The following LRMDA variants were observed in gnomAD, a reference collection of about 807,000 sequenced individuals.
The protein encoded by LRMDA is leucine rich melanocyte differentiation associated.
A neutral mutation model predicts 29.8 loss-of-function variants in LRMDA; 18 were observed. That is an observed-to-expected ratio of 0.60 (90% CI 0.42 to 0.90). LRMDA has a LOEUF of 0.90. LRMDA is among the 40% of genes least tolerant of loss of function. The pLI is 0.00. For missense variants in LRMDA, 273 were observed against 273.9 expected (o/e 1.00, Z 0.02); for synonymous variants, 125 against 109.4 (o/e 1.14, Z -0.89).
intron 5 of LRMDA, among the ~76,000 whole-genome samples, chr10:76,086,991 G>T (rs532201919): frequency 2.3e-4 from 35 of 152,290 alleles, no homozygotes; most frequent in African/African-American, 8.4e-4. Context: ...GACGTTCTTT[G>T]GCTTGTCCGA....
chr10:76,093,729 G>A (rs1849270030), intron 5 of LRMDA, among the ~76,000 whole-genome samples: 1 of 152,152 alleles, frequency 6.6e-6, no homozygotes, highest in African/African-American at 2.4e-5. Flanking sequence ...CCTCACCAGG[G>A]TCACTGACAA....
intron 5 of LRMDA, among the ~76,000 whole-genome samples, chr10:76,195,085 G>C (rs796412679): frequency 3.3e-5 from 5 of 152,250 alleles, no homozygotes; most frequent in African/African-American, 1.2e-4. Context: ...TTCATCAAAA[G>C]TTGTGCCTAC....
At chr10:76,206,666 T>C (rs567779909) in intron 5 of LRMDA, among the ~76,000 whole-genome samples, 13 of 152,192 alleles carry the variant, frequency 8.5e-5, no homozygotes, top group South Asian at 4.1e-4. Flanking sequence ...TAATCATAAA[T>C]TTCTGGATCC....
At chr10:75,563,360 A>G (rs892875651) in intron 2 of LRMDA, among the ~76,000 whole-genome samples, 3 of 151,838 alleles carry the variant, frequency 2.0e-5, no homozygotes, top group Admixed American at 6.6e-5. Flanking sequence ...GTAGTTCTCA[A>G]TCCTTGGCTT....
intron 2 of LRMDA, among the ~76,000 whole-genome samples, chr10:76,032,476 A>G (rs978552483): frequency 4.6e-5 from 7 of 152,218 alleles, no homozygotes; most frequent in Admixed American, 1.3e-4. Context: ...TGGAAACTTA[A>G]AAGTTCTCTC....
intron 5 of LRMDA, among the ~76,000 whole-genome samples, chr10:76,072,491 A>C (rs1848891271): frequency 6.6e-6 from 1 of 152,218 alleles, no homozygotes; most frequent in Non-Finnish European, 1.5e-5. Flanking sequence ...TTAAAAAAAA[A>C]AGTATTTTAG....
intron 6 of LRMDA, among the ~76,000 whole-genome samples, chr10:76,450,538 T>A (rs1007956663): frequency 6.6e-6 from 1 of 152,144 alleles, no homozygotes; most frequent in African/African-American, 2.4e-5. Flanking sequence ...TTAATTCTTT[T>A]GTGATAAATT....
intron 2 of LRMDA, among the ~76,000 whole-genome samples, chr10:75,983,441 C>T (rs988607012): frequency 2.6e-5 from 4 of 152,084 alleles, no homozygotes; most frequent in African/African-American, 7.2e-5. Context: ...GTGATTCTGA[C>T]GATGATGATG....
intron 2 of LRMDA, among the ~76,000 whole-genome samples, chr10:75,553,231 C>T (rs1840173923): frequency 6.6e-6 from 1 of 152,178 alleles, no homozygotes; most frequent in South Asian, 2.1e-4. Context: ...GTAGTTGAGT[C>T]AATGCAGTCA....
intron 6 of LRMDA, among the ~76,000 whole-genome samples, chr10:76,473,856 A>G (rs963678285): frequency 3.3e-5 from 5 of 151,698 alleles, no homozygotes; most frequent in Non-Finnish European, 7.4e-5. Flanking sequence ...TAACCTAAAT[A>G]AATAGAAATA....
chr10:76,279,405 T>C lies in LRMDA; in HGVS notation c.517-44996T>C, dbSNP rs943176073. Among the ~76,000 whole-genome samples, 3 of 152,286 alleles carry C rather than the reference T, an allele frequency of 2.0e-5. No individual in the cohort carries two copies. In the South Asian group the frequency reaches 6.2e-4, roughly 32 times the overall value. On this transcript the variant is annotated intron_variant, in intron 5 of 6. Coordinates refer to ENST00000611255, the MANE Select transcript of LRMDA (RefSeq NM_001305581.2). ...TCATTATTCTTTTATGAATTCTTCC[T>C]TGAAGCTTCACAAGGCAAGTACAGG... is the stretch of plus-strand genomic sequence containing the variant.
intron 5 of LRMDA, among the ~76,000 whole-genome samples, chr10:76,189,277 G>T (rs1352419812): frequency 6.6e-6 from 1 of 152,072 alleles, no homozygotes; most frequent in Non-Finnish European, 1.5e-5. Context: ...GAATCGCTTT[G>T]ACGCTGGAGT....
chr10:76,213,233 G>A (rs1054632497), intron 5 of LRMDA, among the ~76,000 whole-genome samples: 3 of 152,218 alleles, frequency 2.0e-5, no homozygotes, highest in African/African-American at 7.2e-5. Context: ...GTTCGTTACT[G>A]GAGGCACATC....
chr10:76,185,132 G>A (rs1444693481), intron 5 of LRMDA, among the ~76,000 whole-genome samples: 12 of 152,126 alleles, frequency 7.9e-5, no homozygotes, highest in Non-Finnish European at 4.4e-5. Context: ...GTCTCTTTAA[G>A]CACACACAAA....
Position 75,880,628 on chromosome 10 carries a change from C to A in LRMDA, c.132-155380C>A, listed in dbSNP as rs1411219855. Among the ~76,000 whole-genome samples, 4 of 152,162 alleles carry A rather than the reference C, an allele frequency of 2.6e-5. No individual in the cohort carries two copies. In the East Asian group the frequency reaches 7.7e-4, roughly 29 times the overall value. On this transcript the variant is annotated intron_variant, in intron 2 of 6. Transcript: ENST00000611255. ...GGGATTTTGTAAGTACACACTTTCA[C>A]TGGGGATTTTCTGTTTTCTGTGTTA...
chr10:76,004,456 C>T (rs973177804), intron 2 of LRMDA, among the ~76,000 whole-genome samples: 4 of 152,258 alleles, frequency 2.6e-5, no homozygotes, highest in Non-Finnish European at 5.9e-5. Flanking sequence ...TAGAGATTGA[C>T]GCAGAGTAAA....
At chr10:75,555,146 G>C (rs1271542381) in intron 2 of LRMDA, among the ~76,000 whole-genome samples, 1 of 152,108 alleles carries the variant, frequency 6.6e-6, no homozygotes, top group Non-Finnish European at 1.5e-5. Context: ...CCCTATGAGA[G>C]AGTTCTAGAG....
At chr10:76,012,930 T>A (rs1847810230) in intron 2 of LRMDA, among the ~76,000 whole-genome samples, 1 of 151,984 alleles carries the variant, frequency 6.6e-6, no homozygotes, top group Non-Finnish European at 1.5e-5. Flanking sequence ...TCTGGCCAAG[T>A]CAGATAAAGG....
At chr10:75,678,713 A>G (rs1293705257) in intron 2 of LRMDA, among the ~76,000 whole-genome samples, 1 of 152,210 alleles carries the variant, frequency 6.6e-6, no homozygotes, top group African/African-American at 2.4e-5. Context: ...CATTCATAAC[A>G]TGACAGATAT....
Sources: allele counts gnomAD v4.1 joint callset (sites outside exome capture counted in the v4.1 genomes callset), GRCh38; gene constraint gnomAD v4.1.1; transcripts MANE v1.5; gene names NCBI Gene and HGNC (gene_info 2026-07-23, HGNC 2026-07-21).